Variants in UBE2E1 observed in about 807,000 individuals in gnomAD.
The protein encoded by UBE2E1 is ubiquitin-conjugating enzyme E2 E1.
A neutral mutation model predicts 21.4 loss-of-function variants in UBE2E1; 6 were observed. The ratio of observed to expected loss-of-function variants is 0.28; its 90% CI spans 0.15 to 0.55. UBE2E1 has a LOEUF of 0.55. UBE2E1 is among the 20% of genes least tolerant of loss of function. The pLI is 0.93. For synonymous variants in UBE2E1, 87 were observed against 82.7 expected (o/e 1.05, Z -0.28); for missense variants, 142 against 236.5 (o/e 0.60, Z 2.62).
Position 23,877,927 on chromosome 3 carries a change from C to T in UBE2E1, c.204-9640C>T, listed in dbSNP as rs150033737. 1.2e-4 allele frequency among the ~76,000 whole-genome samples: 18 copies of T among 152,194 alleles called. No individual in the cohort carries two copies. In the East Asian group the frequency reaches 3.3e-3, roughly 28 times the overall value. On this transcript the variant is annotated intron_variant, in intron 3 of 5. Coordinates refer to ENST00000306627, the MANE Select transcript of UBE2E1 (RefSeq NM_003341.5). ...AACTGAGTTTCTAATTCAGTTGATC[C>T]CAAGCCTCTGCCCTTTTTTGAAATA...
At chr3:23,828,516 G>T (rs1408289839) in intron 3 of UBE2E1, among the ~76,000 whole-genome samples, 8 of 152,220 alleles carry the variant, frequency 5.3e-5, no homozygotes, top group Non-Finnish European at 1.2e-4. Flanking sequence ...TGCTGGTAAA[G>T]GCGTTGGAGT....
chr3:23,867,594 C>T (rs1483078980), intron 3 of UBE2E1, among the ~76,000 whole-genome samples: 2 of 152,140 alleles, frequency 1.3e-5, no homozygotes, highest in African/African-American at 4.8e-5. Flanking sequence ...AAAGTTTCTC[C>T]TGTGTGGGCT....
At chr3:23,885,245 A>G (rs944354839) in intron 3 of UBE2E1, among the ~76,000 whole-genome samples, 2 of 152,172 alleles carry the variant, frequency 1.3e-5, no homozygotes, top group Non-Finnish European at 2.9e-5. Flanking sequence ...TCTACCCCCT[A>G]ACCCAGTACC....
At chr3:23,856,958 A>T (rs147357758) in intron 3 of UBE2E1, among the ~76,000 whole-genome samples, 1 of 150,834 alleles carries the variant, frequency 6.6e-6, no homozygotes, top group African/African-American at 2.4e-5. Flanking sequence ...CGCTGTGATC[A>T]CAACACTGCA....
chr3:23,889,147 T>C lies in UBE2E1; in HGVS notation c.372T>C (p.Ile124=). The part of the protein sequence containing the change: ...TFRTRIYHCN[I]NSQGVICLDI... ...GGACAAGAATCTATCATTGTAATAT[T>C]AACAGTCAAGGTGTTATTTGCTTGG... Residue 124 remains isoleucine (I), a synonymous_variant, in exon 5 of 6, where the codon ATT becomes ATC. Coordinates refer to ENST00000306627, the MANE Select transcript of UBE2E1 (RefSeq NM_003341.5). The C allele has an allele frequency of 6.2e-7, 1 of 1,608,392 alleles. No individual in the cohort carries two copies. Among genetic ancestry groups the C allele is most frequent in the Non-Finnish European group, 8.5e-7 (1 of 1,178,728 alleles).
intron 3 of UBE2E1, among the ~76,000 whole-genome samples, chr3:23,814,062 G>T (rs1699458964): frequency 6.6e-6 from 1 of 151,978 alleles, no homozygotes; most frequent in Non-Finnish European, 1.5e-5. Flanking sequence ...TTAAAATATG[G>T]CACTTGGCAC....
At chr3:23,889,857 T>C in intron 5 of UBE2E1, 2 of 661,778 alleles carry the variant, frequency 3.0e-6, no homozygotes, top group Non-Finnish European at 3.7e-6. Context: ...GTCACTGCAC[T>C]GCATTCCAGC....
intron 3 of UBE2E1, among the ~76,000 whole-genome samples, chr3:23,857,886 G>A (rs73034778): frequency 0.34 from 51,096 of 152,028 alleles, 9,189 homozygotes; most frequent in Middle Eastern, 0.5. Context: ...GTCTCGCTCC[G>A]TTGCCCAGGC....
rs1015002595 is a variant in UBE2E1, at chr3:23,857,730, C to A, written c.204-29837C>A. ...AACTCCAAGAGCTGTTGTGCTCTGC[C>A]TCTTTATGAACCTTCTGTGCTTATG... On this transcript the variant is annotated intron_variant, in intron 3 of 5. Transcript: ENST00000306627. 1.2e-4 allele frequency among the ~76,000 whole-genome samples: 18 copies of A among 152,216 alleles called. 1 individual carries two copies. Among genetic ancestry groups the A allele is most frequent in the Non-Finnish European group, 4.4e-5 (3 of 68,040 alleles).
At position 23,853,470 on chromosome 3, in the gene UBE2E1, C is replaced by A. The variant is rs1205017246; in HGVS notation, c.204-34097C>A. Reference sequence around the variant, plus strand: ...ATGAAGCCCAGTTTGTCAGTTTTTTCTTGTGTGATTCATGCTTTTGTCTCC... The same window carrying A: ...ATGAAGCCCAGTTTGTCAGTTTTTTATTGTGTGATTCATGCTTTTGTCTCC... On this transcript the variant is annotated intron_variant, in intron 3 of 5. Coordinates refer to ENST00000306627, the MANE Select transcript of UBE2E1 (RefSeq NM_003341.5). The surrounding 1 kb of genome is among the most constrained non-coding windows in gnomAD (Gnocchi z 4.1). Among the ~76,000 whole-genome samples the A allele has an allele frequency of 1.3e-5, 2 of 151,924 alleles. No homozygotes were observed. The highest frequency in any genetic ancestry group is 4.8e-5 in the African/African-American group (2 of 41,368).
chr3:23,846,208 T>G (rs1700199312), intron 3 of UBE2E1, among the ~76,000 whole-genome samples: 2 of 152,186 alleles, frequency 1.3e-5, no homozygotes, highest in Admixed American at 1.3e-4. Flanking sequence ...ATAAATCTAG[T>G]TTAAGGTAAA....
At chr3:23,851,193 A>G (rs1395432563) in intron 3 of UBE2E1, among the ~76,000 whole-genome samples, 3 of 152,182 alleles carry the variant, frequency 2.0e-5, no homozygotes, top group Admixed American at 6.5e-5. Flanking sequence ...TCAAAAATCA[A>G]TTTACCTGTA....
chr3:23,861,474 G>A (rs1204544464), intron 3 of UBE2E1, among the ~76,000 whole-genome samples: 1 of 152,168 alleles, frequency 6.6e-6, no homozygotes, highest in Admixed American at 6.5e-5. Flanking sequence ...CCACCCCCGG[G>A]CCTGTGCCCA....
intron 3 of UBE2E1, among the ~76,000 whole-genome samples, chr3:23,839,038 C>T (rs570761135): frequency 1.4e-4 from 21 of 152,058 alleles, no homozygotes; most frequent in Non-Finnish European, 3.1e-4. Flanking sequence ...TACCCCTTCA[C>T]CCACAGCGAC....
intron 3 of UBE2E1, among the ~76,000 whole-genome samples, chr3:23,868,561 C>G (rs1437143215): frequency 6.6e-6 from 1 of 152,154 alleles, no homozygotes; most frequent in Admixed American, 6.5e-5. Context: ...CCTGCCTCAG[C>G]CTCCCAAAGT....
chr3:23,879,965 G>T (rs1177200943), intron 3 of UBE2E1, among the ~76,000 whole-genome samples: 1 of 152,190 alleles, frequency 6.6e-6, no homozygotes, highest in Non-Finnish European at 1.5e-5. Context: ...ATTGATTCTG[G>T]CCAGGCACAG....
intron 3 of UBE2E1, 24 bp downstream of exon 3, chr3:23,811,534 C>A (rs760386536): frequency 6.2e-7 from 1 of 1,611,658 alleles, no homozygotes; most frequent in East Asian, 2.2e-5. Flanking sequence ...CGGATTTTTT[C>A]CATTTTTAAA....
At chr3:23,884,716 C>A (rs1701137672) in intron 3 of UBE2E1, among the ~76,000 whole-genome samples, 1 of 152,152 alleles carries the variant, frequency 6.6e-6, no homozygotes, top group Non-Finnish European at 1.5e-5. Context: ...CCAAGTTGAA[C>A]ATGAACAGTA....
chr3:23,866,296 C>G (rs1471099785), intron 3 of UBE2E1: 1 of 152,448 alleles, frequency 6.6e-6, no homozygotes, highest in Non-Finnish European at 1.5e-5. Flanking sequence ...GCAGAGGCCT[C>G]AGCTTCACAG....
Sources: allele counts gnomAD v4.1 joint callset (sites outside exome capture counted in the v4.1 genomes callset), GRCh38; gene constraint gnomAD v4.1.1; non-coding constraint Gnocchi (gnomAD v3.1); transcripts MANE v1.5; gene names NCBI Gene and HGNC (gene_info 2026-07-23, HGNC 2026-07-21).